Variants in EDARADD observed in about 807,000 individuals in gnomAD.
EDARADD encodes ectodysplasin-A receptor-associated adapter protein.
A neutral mutation model predicts 25.6 loss-of-function variants in EDARADD; 20 were observed. The ratio of observed to expected loss-of-function variants is 0.78; its 90% CI spans 0.55 to 1.14. The LOEUF (loss-of-function observed/expected upper bound fraction) is 1.14. Ranked by LOEUF, EDARADD falls within the 50% of genes most tolerant of loss-of-function variation. EDARADD has a pLI of 0.00. For synonymous variants in EDARADD, 86 were observed against 94.4 expected (o/e 0.91, Z 0.52); for missense variants, 225 against 270.1 (o/e 0.83, Z 1.17).
At chr1:236,348,427 C>A (rs137934808) in intron 1 of EDARADD, 1,607 of 152,422 alleles carry the variant, frequency 0.011, 23 homozygotes, top group African/African-American at 0.037. Context: ...CCCTGAGGTG[C>A]CTGCCGGGCT....
intron 3 of EDARADD, among the ~76,000 whole-genome samples, chr1:236,384,394 T>C (rs1667331101): frequency 6.6e-6 from 1 of 152,216 alleles, no homozygotes. Context: ...GTGGGTTAAG[T>C]ACCTTTTTCA....
At position 236,483,643 on chromosome 1, in the gene EDARADD, T is replaced by C; in HGVS notation, c.*994T>C. 6.4e-7 allele frequency: 1 copy of C among 1,572,892 alleles called. No individual in the cohort carries two copies. The highest frequency in any genetic ancestry group is 8.7e-7 in the Non-Finnish European group (1 of 1,144,484). ...GTCATCAATGGCAGTTCTCATGCTG[T>C]CACCAAGCTGGCCATGCAGGAGTTC... is the stretch of plus-strand genomic sequence containing the variant. On this transcript the variant is annotated 3_prime_UTR_variant, in exon 6 of 6. Coordinates refer to ENST00000334232, the MANE Select transcript of EDARADD (RefSeq NM_145861.4).
At chr1:236,355,975 AT>A (rs1666971390) in intron 3 of EDARADD, among the ~76,000 whole-genome samples, 1 of 152,172 alleles carries the variant, frequency 6.6e-6, no homozygotes, top group Non-Finnish European at 1.5e-5. Flanking sequence ...CAGGCAAAAA[AT>A]ATATATGTAT....
intron 3 of EDARADD, among the ~76,000 whole-genome samples, chr1:236,381,938 C>A (rs1201393955): frequency 6.6e-6 from 1 of 151,434 alleles, no homozygotes; most frequent in East Asian, 1.9e-4. Context: ...TGCCACCATA[C>A]CTGGCTTAGT....
At chr1:236,406,249 A>AC (rs1667737424) in intron 1 of EDARADD, among the ~76,000 whole-genome samples, 1 of 151,104 alleles carries the variant, frequency 6.6e-6, no homozygotes. Flanking sequence ...GGCTTCTACC[A>AC]CCCCCTCCCC....
intron 4 of EDARADD, among the ~76,000 whole-genome samples, chr1:236,464,783 A>C (rs1571952190): frequency 6.6e-6 from 1 of 150,708 alleles, no homozygotes; most frequent in East Asian, 2.0e-4. Context: ...CCCCTCTCTG[A>C]CCTCCTTTCT....
At chr1:236,474,407 T>C (rs1269108589) in intron 5 of EDARADD, among the ~76,000 whole-genome samples, 1 of 152,102 alleles carries the variant, frequency 6.6e-6, no homozygotes, top group African/African-American at 2.4e-5. Flanking sequence ...ATAAATGACT[T>C]GATGTGGTGT....
At chr1:236,409,394 T>C (rs542785436) in intron 2 of EDARADD, 120 bp downstream of exon 2, 16 of 761,860 alleles carry the variant, frequency 2.1e-5, no homozygotes, top group Non-Finnish European at 3.5e-5. Flanking sequence ...AAGTAAGATT[T>C]TTCTAAGATA....
intron 2 of EDARADD, among the ~76,000 whole-genome samples, chr1:236,350,534 C>T (rs1666903886): frequency 6.6e-6 from 1 of 152,210 alleles, no homozygotes; most frequent in Admixed American, 6.5e-5. Context: ...CTCGGCCTCC[C>T]AAAGTGCTGG....
Position 236,483,679 on chromosome 1 carries a change from C to G in EDARADD, c.*1030C>G, listed in dbSNP as rs1004971871. 7.6e-6 allele frequency: 12 copies of G among 1,570,706 alleles called. No homozygotes were observed. In the Admixed American group the frequency reaches 1.5e-4, roughly 20 times the overall value. ...GCCATGCAGGAGTTCATGGTCCTCC[C>G]AGTCGGTGCAGCAAACTTCAGGGAA... On this transcript the variant is annotated 3_prime_UTR_variant, in exon 6 of 6. Coordinates refer to ENST00000334232, the MANE Select transcript of EDARADD (RefSeq NM_145861.4).
intron 5 of EDARADD, among the ~76,000 whole-genome samples, chr1:236,473,382 G>A (rs1048563919): frequency 2.6e-5 from 4 of 152,174 alleles, no homozygotes; most frequent in African/African-American, 4.8e-5. Context: ...AGCCCCTGAG[G>A]CTGGACTGAG....
intron 3 of EDARADD, among the ~76,000 whole-genome samples, chr1:236,367,998 A>G (rs1429061845): frequency 6.6e-6 from 1 of 151,730 alleles, no homozygotes; most frequent in Non-Finnish European, 1.5e-5. Flanking sequence ...AGTGCCAGCT[A>G]CTCGGGAGGC....
intron 4 of EDARADD, among the ~76,000 whole-genome samples, chr1:236,460,704 A>G (rs951013700): frequency 2.0e-5 from 3 of 152,214 alleles, no homozygotes; most frequent in Admixed American, 2.0e-4. Context: ...TTAGACATGG[A>G]TCATCAGTAA....
chr1:236,441,587 G>A (rs1246515180), intron 4 of EDARADD, among the ~76,000 whole-genome samples: 2 of 150,200 alleles, frequency 1.3e-5, no homozygotes, highest in Non-Finnish European at 3.0e-5. Context: ...GCAATGGTGC[G>A]ATCTCCGCTC....
chr1:236,392,491 A>ATTTTT (rs10649367), upstream of EDARADD, among the ~76,000 whole-genome samples: 3 of 139,628 alleles, frequency 2.1e-5, no homozygotes, highest in Admixed American at 2.2e-4. Flanking sequence ...TGCTCAGCTA[A>ATTTTT]TTTTTTTTTT....
In EDARADD at chr1:236,483,747, G is replaced by A; in HGVS notation, c.*1098G>A. 3 of 1,506,088 alleles carry A rather than the reference G, an allele frequency of 2.0e-6. No homozygotes were observed. The highest frequency in any genetic ancestry group is 2.8e-6 in the Non-Finnish European group (3 of 1,083,554). 93.3% of individuals were successfully genotyped at this position (1,506,088 alleles called of 1,614,324 possible). A position where few individuals can be genotyped will look rare whatever the true frequency, so the allele number is the denominator to read the frequency against. On this transcript the variant is annotated 3_prime_UTR_variant, in exon 6 of 6. Transcript: ENST00000334232. ...GGAGGTTTACCACAGCCTGAAGAAT[G>A]TCATCAAGGAGAAATATGGGAAAGA...
intron 3 of EDARADD, among the ~76,000 whole-genome samples, chr1:236,360,144 G>A (rs1667028856): frequency 6.6e-6 from 1 of 151,948 alleles, no homozygotes; most frequent in African/African-American, 2.4e-5. Context: ...GCAAGAGCTT[G>A]TCTCTAAAAA....
intron 4 of EDARADD, among the ~76,000 whole-genome samples, chr1:236,452,496 TCC>T (rs752902630): frequency 3.1e-5 from 4 of 130,336 alleles, no homozygotes; most frequent in African/African-American, 9.3e-5. Context: ...GTGTGGCCGA[TCC>T]CCCCTCTCTC....
At chr1:236,390,611 A>G (rs912427124), upstream of EDARADD, among the ~76,000 whole-genome samples, 2 of 152,030 alleles carry the variant, frequency 1.3e-5, no homozygotes, top group Non-Finnish European at 2.9e-5. Context: ...TAACGTATGG[A>G]AAAAAAATTC....
Sources: gnomAD v4.1 joint callset for allele counts (sites outside exome capture counted in the v4.1 genomes callset) on GRCh38, gnomAD v4.1.1 for gene constraint, MANE v1.5 for transcripts, NCBI Gene and HGNC (gene_info 2026-07-23, HGNC 2026-07-21) for gene names.